Variants in PRKAA1 observed in about 807,000 individuals in gnomAD.
PRKAA1 encodes 5'-AMP-activated protein kinase catalytic subunit alpha-1.
Under a neutral mutation model 56.9 loss-of-function variants are expected in PRKAA1, and 23 were observed. The ratio of observed to expected loss-of-function variants is 0.40; its 90% CI spans 0.29 to 0.57. The LOEUF (loss-of-function observed/expected upper bound fraction) is 0.57, where lower values mean the gene tolerates loss of function less well. PRKAA1 is among the 20% of genes least tolerant of loss of function. The pLI is 0.39. For missense variants in PRKAA1, 413 were observed against 679.7 expected, an observed-to-expected ratio of 0.61 and a Z score of 4.36; for synonymous variants, 226 against 227.0, an observed-to-expected ratio of 1.00 and a Z score of 0.04.
chr5:40,762,442 C>T lies in PRKAA1; in HGVS notation c.*336G>A, dbSNP rs910665411. On this transcript the variant is annotated 3_prime_UTR_variant, in exon 9 of 9. Transcript: ENST00000397128. ...AATTTATAACACGTAATATATAACA[C>T]GTAATAATATATGAAGGCCTTTATG... The T allele has an allele frequency of 3.3e-5, 7 of 214,288 alleles. No individual in the cohort carries two copies. Among genetic ancestry groups the T allele is most frequent in the East Asian group, 1.1e-4 (1 of 9,036 alleles). The allele number at this position is 214,288 out of a possible 1,614,324, so 13.3% of individuals were successfully genotyped here.
chr5:40,782,262 G>C (rs768969915), intron 1 of PRKAA1, among the ~76,000 whole-genome samples: 1 of 152,070 alleles, frequency 6.6e-6, no homozygotes, highest in Non-Finnish European at 1.5e-5. Flanking sequence ...GAAATGACTG[G>C]AGCTTATCCA....
At chr5:40,797,769 C>G (rs921424877) in intron 1 of PRKAA1, among the ~76,000 whole-genome samples, 11 of 152,180 alleles carry the variant, frequency 7.2e-5, no homozygotes, top group African/African-American at 1.2e-4. Context: ...CCGCCTGCCC[C>G]ACCTGGGAAA....
intron 1 of PRKAA1, among the ~76,000 whole-genome samples, chr5:40,790,538 T>TTTG (rs57857426): frequency 0.24 from 35,234 of 145,268 alleles, 4,743 homozygotes; most frequent in East Asian, 0.51. Flanking sequence ...TTTTTTTTTT[T>TTTG]TTGTTGTTGT....
At chr5:40,766,184 G>A (rs1743426154) in intron 6 of PRKAA1, among the ~76,000 whole-genome samples, 1 of 152,242 alleles carries the variant, frequency 6.6e-6, no homozygotes, top group South Asian at 2.1e-4. Flanking sequence ...ATCATGCCGT[G>A]CCATTCATGG....
chr5:40,764,678 T>G, intron 7 of PRKAA1, 38 bp from the exon 8 acceptor site: 1 of 1,605,430 alleles, frequency 6.2e-7, no homozygotes, highest in Non-Finnish European at 8.5e-7. Flanking sequence ...TCAAAAGTAA[T>G]TCTTCTATAA....
At chr5:40,783,126 T>C (rs1429908087) in intron 1 of PRKAA1, among the ~76,000 whole-genome samples, 1 of 152,174 alleles carries the variant, frequency 6.6e-6, no homozygotes, top group East Asian at 1.9e-4. Flanking sequence ...ATCAGGATCT[T>C]TTCTTTTTTA....
intron 5 of PRKAA1, chr5:40,768,393 TA>T: frequency 1.1e-6 from 1 of 906,242 alleles, no homozygotes; most frequent in Non-Finnish European, 1.3e-6. Flanking sequence ...TGCACAGTTA[TA>T]ACATTTCTTT....
At chr5:40,791,695 T>C (rs1744724073) in intron 1 of PRKAA1, among the ~76,000 whole-genome samples, 1 of 152,170 alleles carries the variant, frequency 6.6e-6, no homozygotes, top group African/African-American at 2.4e-5. Flanking sequence ...TGGGGAAGGG[T>C]GGGCTTTAAA....
intron 1 of PRKAA1, among the ~76,000 whole-genome samples, chr5:40,781,489 T>C (rs1744263616): frequency 6.6e-6 from 1 of 152,100 alleles, no homozygotes; most frequent in African/African-American, 2.4e-5. Context: ...AAAGTCACAG[T>C]AACATATGGA....
intron 4 of PRKAA1, among the ~76,000 whole-genome samples, chr5:40,771,093 T>A (rs1579723231): frequency 6.6e-6 from 1 of 152,336 alleles, no homozygotes; most frequent in Admixed American, 6.5e-5. Context: ...TTCTTCTCCA[T>A]ACTTGATTCT....
chr5:40,797,267 A>C lies in PRKAA1; in HGVS notation c.127+796T>G, dbSNP rs150701879. On this transcript the variant is annotated intron_variant, in intron 1 of 8. Transcript: ENST00000397128. ...ATGTGCACTTAAAGAGTTTATTAGAATACAAATAACCTTTGAAAATAAGTG... is the reference window on the plus strand; with the variant it reads ...ATGTGCACTTAAAGAGTTTATTAGACTACAAATAACCTTTGAAAATAAGTG... Among the ~76,000 whole-genome samples the C allele has an allele frequency of 4.2e-3, 641 of 152,350 alleles. 4 individuals are homozygous for C. Among genetic ancestry groups the C allele is most frequent in the African/African-American group, 0.015 (615 of 41,582 alleles).
chr5:40,769,831 T>C (rs1027174231), intron 4 of PRKAA1, among the ~76,000 whole-genome samples: 5 of 115,834 alleles, frequency 4.3e-5, no homozygotes, highest in Non-Finnish European at 8.8e-5. Context: ...AACAGATGAA[T>C]AGAAGGATTA....
In PRKAA1 at chr5:40,767,431, T is replaced by C. The variant is rs201911252; in HGVS notation, c.821+35A>G. 241 of 1,530,876 alleles carry C rather than the reference T, an allele frequency of 1.6e-4. 3 individuals carry two copies. In the Middle Eastern group the frequency reaches 3.6e-3, roughly 23 times the overall value. 94.8% of individuals were successfully genotyped at this position (1,530,876 alleles called of 1,614,324 possible). On this transcript the variant is annotated intron_variant, in intron 6 of 8. Transcript: ENST00000397128. ...TTCACATAACTTTTATCATGGATAC[T>C]ATCAGATCTGATAACTTCCAAACTG...
intron 1 of PRKAA1, among the ~76,000 whole-genome samples, chr5:40,782,557 A>G (rs1213134737): frequency 6.6e-6 from 1 of 152,354 alleles, no homozygotes; most frequent in East Asian, 1.9e-4. Context: ...GAAATGCATG[A>G]TTGTATTAGC....
intron 1 of PRKAA1, among the ~76,000 whole-genome samples, chr5:40,780,370 T>C (rs952056853): frequency 2.0e-5 from 3 of 152,204 alleles, no homozygotes; most frequent in African/African-American, 7.2e-5. Context: ...GGAATGATAT[T>C]TGGCTTTCTC....
rs546238399 is a variant in PRKAA1 at position 40,790,525 on chromosome 5, C to CTCTTTTT, written c.127+7537_127+7538insAAAAAGA. Among the ~76,000 whole-genome samples, 211 of 111,704 alleles carry CTCTTTTT rather than the reference C, an allele frequency of 1.9e-3. 3 individuals carry two copies. Among genetic ancestry groups the CTCTTTTT allele is most frequent in the Middle Eastern group, 4.5e-3 (1 of 220 alleles). The allele number at this position is 111,704 out of a possible 152,430, so 73.3% of individuals were successfully genotyped here. A position where few individuals can be genotyped will look rare whatever the true frequency, so the allele number is the denominator to read the frequency against. On this transcript the variant is annotated intron_variant, in intron 1 of 8. Coordinates refer to ENST00000397128, the MANE Select transcript of PRKAA1 (RefSeq NM_006251.6). ...ATAGTCTATCAGGAGTCAACTCTTT[C>CTCTTTTT]TTTTTTTTTTTTTTTGTTGTTGTTG...
At chr5:40,767,815 C>T (rs1743536531) in intron 5 of PRKAA1, 125 bp from the exon 6 acceptor site, 3 of 764,056 alleles carry the variant, frequency 3.9e-6, no homozygotes, top group South Asian at 3.8e-5. Flanking sequence ...ATAGCCACTA[C>T]TACATGTTAC....
In PRKAA1 at chr5:40,790,523, T is replaced by C. The variant is rs1389333905; in HGVS notation, c.127+7540A>G. Among the ~76,000 whole-genome samples the C allele has an allele frequency of 1.0e-4, 7 of 67,864 alleles. No individual in the cohort carries two copies. The East Asian group carries it at 3.6e-3, about 35-fold the overall frequency. The allele number at this position is 67,864 out of a possible 152,430, so 44.5% of individuals were successfully genotyped here. A position where few individuals can be genotyped will look rare whatever the true frequency, so the allele number is the denominator to read the frequency against. On this transcript the variant is annotated intron_variant, in intron 1 of 8. Transcript: ENST00000397128. Reference sequence around the variant, plus strand: ...TCATAGTCTATCAGGAGTCAACTCTTTCTTTTTTTTTTTTTTTGTTGTTGT... The same window carrying C: ...TCATAGTCTATCAGGAGTCAACTCTCTCTTTTTTTTTTTTTTTGTTGTTGT...
At chr5:40,783,178 G>GA (rs1443496477) in intron 1 of PRKAA1, among the ~76,000 whole-genome samples, 1 of 151,902 alleles carries the variant, frequency 6.6e-6, no homozygotes, top group African/African-American at 2.4e-5. Context: ...AAAAGTTGAT[G>GA]AAAAAAATGT....
Sources: allele counts gnomAD v4.1 joint callset (sites outside exome capture counted in the v4.1 genomes callset), GRCh38; gene constraint gnomAD v4.1.1; transcripts MANE v1.5; gene names NCBI Gene and HGNC (gene_info 2026-07-23, HGNC 2026-07-21).